The following PRR16 variants were observed in gnomAD, a reference collection of about 807,000 sequenced individuals.
PRR16 encodes the protein proline rich 16.
In PRR16, 6 loss-of-function variants were observed where a neutral mutation model predicts 18.2. The observed-to-expected ratio is 0.33, with a 90% CI of 0.18 to 0.65. The LOEUF is 0.65. Among genes scored for constraint, PRR16 ranks in the 30% least tolerant of loss-of-function variants. The pLI is 0.74. For missense variants in PRR16, 412 were observed against 376.6 expected, an observed-to-expected ratio of 1.09 and a Z score of -0.78; for synonymous variants, 151 against 147.8, an observed-to-expected ratio of 1.02 and a Z score of -0.16.
chr5:120,760,737 G>A, the PRR16 span, among the ~76,000 whole-genome samples: 232 of 152,190 alleles, frequency 1.5e-3, no homozygotes, highest in African/African-American at 3.8e-3. Context: ...AGCAACCTTC[G>A]ACCAATATCA....
At chr5:120,499,112 CTT>C (rs113501213) in intron 1 of PRR16, among the ~76,000 whole-genome samples, 40 of 140,020 alleles carry the variant, frequency 2.9e-4, no homozygotes, top group Admixed American at 1.3e-3. Context: ...TTTTTAATCA[CTT>C]TTTTTTTTTT....
intron 1 of PRR16, among the ~76,000 whole-genome samples, chr5:120,601,922 TG>T (rs1357124668): frequency 6.6e-6 from 1 of 152,062 alleles, no homozygotes; most frequent in Non-Finnish European, 1.5e-5. Flanking sequence ...CATTTATCTA[TG>T]TGTTTGTTTT....
At chr5:120,549,457 A>G (rs1752184172) in intron 1 of PRR16, among the ~76,000 whole-genome samples, 1 of 152,014 alleles carries the variant, frequency 6.6e-6, no homozygotes, top group Non-Finnish European at 1.5e-5. Context: ...TCCTTCCATT[A>G]TTAAGAATTG....
chr5:120,750,405 T>C, the PRR16 span, among the ~76,000 whole-genome samples: 3 of 152,002 alleles, frequency 2.0e-5, no homozygotes, highest in African/African-American at 7.2e-5. Flanking sequence ...ACACCTGTAA[T>C]CCCAGCACTT....
intron 1 of PRR16, among the ~76,000 whole-genome samples, chr5:120,655,613 C>G (rs912419545): frequency 6.6e-6 from 1 of 151,602 alleles, no homozygotes; most frequent in South Asian, 2.1e-4. Context: ...TGAAAACTCA[C>G]GGATATGGTC....
chr5:120,479,051 T>C (rs1336765908), intron 1 of PRR16, among the ~76,000 whole-genome samples: 1 of 152,112 alleles, frequency 6.6e-6, no homozygotes, highest in African/African-American at 2.4e-5. Context: ...CTGGCTTCTT[T>C]TTCTTCTCTT....
intron 1 of PRR16, among the ~76,000 whole-genome samples, chr5:120,645,832 A>G (rs1755574188): frequency 1.3e-5 from 2 of 151,266 alleles, no homozygotes; most frequent in South Asian, 4.2e-4. Flanking sequence ...TCGAATAACA[A>G]TGACTAGAAG....
chr5:120,600,625 G>A (rs1455944628), intron 1 of PRR16, among the ~76,000 whole-genome samples: 1 of 151,700 alleles, frequency 6.6e-6, no homozygotes, highest in Non-Finnish European at 1.5e-5. Context: ...TTTTTATAAG[G>A]GAAAATTATG....
chr5:120,573,097 A>G (rs887435504), intron 1 of PRR16, among the ~76,000 whole-genome samples: 15 of 152,110 alleles, frequency 9.9e-5, no homozygotes, highest in Non-Finnish European at 1.2e-4. Flanking sequence ...TTTGCCCTCT[A>G]TTTCTGAACC....
the PRR16 span, among the ~76,000 whole-genome samples, chr5:120,760,244 A>G: frequency 6.6e-6 from 1 of 152,158 alleles, no homozygotes; most frequent in African/African-American, 2.4e-5. Context: ...GTTGTAATGG[A>G]TAAAAGTTGG....
intron 1 of PRR16, among the ~76,000 whole-genome samples, chr5:120,564,304 C>T (rs1752667014): frequency 6.6e-6 from 1 of 152,118 alleles, no homozygotes; most frequent in African/African-American, 2.4e-5. Flanking sequence ...CCTCTGAGCC[C>T]AGCCCAACAC....
At chr5:120,535,739 G>A (rs910412029) in intron 1 of PRR16, among the ~76,000 whole-genome samples, 3 of 152,014 alleles carry the variant, frequency 2.0e-5, no homozygotes, top group African/African-American at 7.3e-5. Flanking sequence ...GGCGGAGGTT[G>A]CAGTGAGCCA....
chr5:120,679,386 A>G (rs921337350), intron 1 of PRR16, among the ~76,000 whole-genome samples: 25 of 152,038 alleles, frequency 1.6e-4, no homozygotes, highest in African/African-American at 5.6e-4. Flanking sequence ...ATTTTGTTTT[A>G]TCTTTAATTT....
At chr5:120,732,019 G>C in the PRR16 span, among the ~76,000 whole-genome samples, 1 of 152,096 alleles carries the variant, frequency 6.6e-6, no homozygotes, top group African/African-American at 2.4e-5. Context: ...CCCTGGACTG[G>C]GCTTTGCTTT....
the PRR16 span, among the ~76,000 whole-genome samples, chr5:120,701,938 C>A: frequency 2.0e-5 from 3 of 152,050 alleles, no homozygotes; most frequent in Non-Finnish European, 4.4e-5. Context: ...CGAATTTGTA[C>A]TGGGGTCAAG....
At chr5:120,705,990 C>A in the PRR16 span, among the ~76,000 whole-genome samples, 174 of 152,260 alleles carry the variant, frequency 1.1e-3, no homozygotes, top group Middle Eastern at 6.8e-3. Context: ...CACATTGTAT[C>A]TTTCATCATT....
At chr5:120,627,456 T>C (rs1387965267) in intron 1 of PRR16, among the ~76,000 whole-genome samples, 1 of 152,032 alleles carries the variant, frequency 6.6e-6, no homozygotes, top group African/African-American at 2.4e-5. Context: ...GCTATAAGGG[T>C]TTAAAATGTG....
intron 1 of PRR16, among the ~76,000 whole-genome samples, chr5:120,522,450 G>A (rs1240117612): frequency 6.6e-6 from 1 of 152,128 alleles, no homozygotes; most frequent in Non-Finnish European, 1.5e-5. Context: ...TCATGTGTCT[G>A]TTGACTGCAT....
At chr5:120,523,452 A>C (rs1033357176) in intron 1 of PRR16, among the ~76,000 whole-genome samples, 2 of 152,212 alleles carry the variant, frequency 1.3e-5, no homozygotes, top group African/African-American at 4.8e-5. Context: ...ATAGCACAGT[A>C]TAATACATTT....
Sources: allele counts gnomAD v4.1 joint callset (sites outside exome capture counted in the v4.1 genomes callset), GRCh38; gene constraint gnomAD v4.1.1; transcripts MANE v1.5; gene names NCBI Gene and HGNC (gene_info 2026-07-23, HGNC 2026-07-21).